The following ZNF277 variants were observed in gnomAD, a reference collection of about 807,000 sequenced individuals.
ZNF277 encodes the protein zinc finger protein 277.
A neutral mutation model predicts 60.7 loss-of-function variants in ZNF277; 55 were observed. The ratio of observed to expected loss-of-function variants is 0.91; its 90% CI spans 0.73 to 1.13. ZNF277 has a LOEUF of 1.13. ZNF277 is among the 50% of genes most tolerant of loss of function. The pLI is 0.00. For synonymous variants in ZNF277, 178 were observed against 179.3 expected, an observed-to-expected ratio of 0.99 and a Z score of 0.06; for missense variants, 510 against 523.0, an observed-to-expected ratio of 0.98 and a Z score of 0.24.
At chr7:112,298,691 A>G (rs1217934893) in intron 4 of ZNF277, among the ~76,000 whole-genome samples, 1 of 152,186 alleles carries the variant, frequency 6.6e-6, no homozygotes, top group African/African-American at 2.4e-5. Context: ...TAAGCTAACA[A>G]TGACTGATGA....
intron 4 of ZNF277, among the ~76,000 whole-genome samples, chr7:112,309,673 C>A (rs1374454506): frequency 6.6e-6 from 1 of 151,898 alleles, no homozygotes; most frequent in Non-Finnish European, 1.5e-5. Context: ...ACAGGCCAAA[C>A]TTCACAGGTT....
At chr7:112,280,023 G>A (rs1334832801) in intron 1 of ZNF277, among the ~76,000 whole-genome samples, 2 of 152,172 alleles carry the variant, frequency 1.3e-5, no homozygotes, top group South Asian at 2.1e-4. Context: ...TTTCCTGGAT[G>A]TGCATAGTTC....
At chr7:112,326,641 T>TTAA (rs557358346) in intron 5 of ZNF277, among the ~76,000 whole-genome samples, 1 of 145,202 alleles carries the variant, frequency 6.9e-6, no homozygotes, top group African/African-American at 2.5e-5. Flanking sequence ...CTTACATAGT[T>TTAA]AAAAAAAAAA....
At chr7:112,334,465 A>T (rs545154305) in intron 7 of ZNF277, among the ~76,000 whole-genome samples, 2 of 151,188 alleles carry the variant, frequency 1.3e-5, no homozygotes, top group Non-Finnish European at 2.9e-5. Flanking sequence ...AACTGTACCA[A>T]ATCAGAGCAC....
At position 112,295,977 on chromosome 7, in the gene ZNF277, A is replaced by G. The variant is rs1584387211; in HGVS notation, c.382+20A>G. 2 of 1,548,956 alleles carry G rather than the reference A, an allele frequency of 1.3e-6. No homozygotes were observed. Among genetic ancestry groups the G allele is most frequent in the Non-Finnish European group, 1.8e-6 (2 of 1,121,222 alleles). On this transcript the variant is annotated intron_variant, in intron 3 of 11. Transcript: ENST00000361822. The stretch of plus-strand genomic sequence containing the variant: ...CATTTGGTAAGTGTACATCTTGGCT[A>G]CCATCTTTTCCCTACAGTATAAAAA...
intron 10 of ZNF277, 94 bp from the exon 11 acceptor site, chr7:112,340,778 T>G (rs969642929): frequency 2.9e-6 from 3 of 1,041,772 alleles, no homozygotes; most frequent in South Asian, 1.5e-5. Context: ...TTCAGGTTGA[T>G]TAATAAAAAT....
intron 5 of ZNF277, among the ~76,000 whole-genome samples, chr7:112,320,807 A>G (rs1370600042): frequency 6.9e-6 from 1 of 145,152 alleles, no homozygotes; most frequent in African/African-American, 2.6e-5. Context: ...CCATTTTGCT[A>G]TTTATTTTCA....
chr7:112,229,052 A>G (rs575731387), intron 1 of ZNF277, among the ~76,000 whole-genome samples: 2 of 152,362 alleles, frequency 1.3e-5, no homozygotes, highest in Admixed American at 1.3e-4. Flanking sequence ...TTGTATTTAT[A>G]TCATTCAAAT....
At chr7:112,292,958 T>A (rs960996377) in intron 2 of ZNF277, among the ~76,000 whole-genome samples, 1 of 152,208 alleles carries the variant, frequency 6.6e-6, no homozygotes, top group Non-Finnish European at 1.5e-5. Flanking sequence ...TTTAAATATG[T>A]TACTTTTTCT....
chr7:112,207,614 G>C (rs973447607), intron 1 of ZNF277, among the ~76,000 whole-genome samples: 1 of 152,110 alleles, frequency 6.6e-6, no homozygotes, highest in African/African-American at 2.4e-5. Context: ...TTGTGTTTAG[G>C]ACTCTTTTAC....
At chr7:112,270,271 A>G (rs956816722) in intron 1 of ZNF277, among the ~76,000 whole-genome samples, 1 of 152,102 alleles carries the variant, frequency 6.6e-6, no homozygotes, top group Non-Finnish European at 1.5e-5. Context: ...AGTTTCATCA[A>G]AATTAAATAT....
At position 112,339,851 on chromosome 7, in the gene ZNF277, C is replaced by T. The variant is rs150018093; in HGVS notation, c.975C>T (p.His325=). The T allele has an allele frequency of 1.7e-4, 282 of 1,611,748 alleles. 1 individual carries two copies. The highest frequency in any genetic ancestry group is 1.5e-3 in the Middle Eastern group (9 of 6,080). Residue 325 remains histidine, a synonymous_variant, in exon 10 of 12, where the codon CAC becomes CAT. Transcript: ENST00000361822. ...ATTCATTCCTTTTTTAGGATGCACA[C>T]GAATTTGATCTTCTCAAAATAAAGT... ...EKLYVHMEDA[H]EFDLLKIKSE...
At chr7:112,277,273 G>A (rs1009705906) in intron 1 of ZNF277, among the ~76,000 whole-genome samples, 8 of 151,748 alleles carry the variant, frequency 5.3e-5, no homozygotes, top group Admixed American at 3.3e-4. Context: ...TATTAGAGAC[G>A]GGGTTTCACC....
At chr7:112,261,439 T>C (rs576018848) in intron 1 of ZNF277, among the ~76,000 whole-genome samples, 2 of 152,344 alleles carry the variant, frequency 1.3e-5, no homozygotes, top group South Asian at 2.1e-4. Context: ...TTTCTGATTA[T>C]GTTTTTGTTT....
At chr7:112,224,561 T>C (rs1292332775) in intron 1 of ZNF277, among the ~76,000 whole-genome samples, 1 of 152,174 alleles carries the variant, frequency 6.6e-6, no homozygotes, top group African/African-American at 2.4e-5. Flanking sequence ...GGATTCCTGC[T>C]GAAGGCAGGC....
At chr7:112,241,051 A>G (rs897192629) in intron 1 of ZNF277, among the ~76,000 whole-genome samples, 56 of 152,128 alleles carry the variant, frequency 3.7e-4, no homozygotes, top group Admixed American at 3.6e-3. Context: ...GAAACAATCA[A>G]CAAAGTCAGG....
chr7:112,315,470 A>G (rs992942824), intron 4 of ZNF277, among the ~76,000 whole-genome samples: 2 of 152,050 alleles, frequency 1.3e-5, no homozygotes, highest in Non-Finnish European at 2.9e-5. Flanking sequence ...ATGGCCATAA[A>G]AGAGAGAGAA....
At chr7:112,318,669 C>A (rs1011512327) in intron 5 of ZNF277, among the ~76,000 whole-genome samples, 2 of 152,120 alleles carry the variant, frequency 1.3e-5, no homozygotes. Context: ...GATTCTATCA[C>A]CAACCCCAGC....
intron 1 of ZNF277, among the ~76,000 whole-genome samples, chr7:112,272,801 T>C (rs1297052082): frequency 6.6e-6 from 1 of 152,214 alleles, no homozygotes; most frequent in Non-Finnish European, 1.5e-5. Context: ...GCCTTATTTT[T>C]AGTATTTTGA....
Sources: allele counts gnomAD v4.1 joint callset (sites outside exome capture counted in the v4.1 genomes callset), GRCh38; gene constraint gnomAD v4.1.1; transcripts MANE v1.5; gene names NCBI Gene and HGNC (gene_info 2026-07-23, HGNC 2026-07-21).